Variants in ANO9 observed in about 807,000 individuals in gnomAD.
ANO9 encodes the protein anoctamin 9.
ANO9 carries 80 observed loss-of-function variants against 100.5 expected under a neutral mutation model. The observed-to-expected ratio is 0.80, with a 90% CI of 0.66 to 0.96. The LOEUF is 0.96. Ranked by LOEUF, ANO9 falls within the 40% of genes least tolerant of loss-of-function variation. The probability of loss-of-function intolerance (pLI) is 0.00; values close to 1 mark genes in which losing one functional copy is unlikely to be tolerated. For synonymous variants in ANO9, 473 were observed against 435.6 expected, an observed-to-expected ratio of 1.09 and a Z score of -1.07; for missense variants, 1,064 against 1,072.7, an observed-to-expected ratio of 0.99 and a Z score of 0.11.
Position 441,859 on chromosome 11 carries a change from C to G in ANO9, c.6+62G>C, listed in dbSNP as rs192627247. 5.4e-3 allele frequency: 8,548 copies of G among 1,580,112 alleles called. 365 individuals are homozygous for G. The African/African-American group carries it at 0.098, about 18-fold the overall frequency. On this transcript the variant is annotated intron_variant, in intron 1 of 22. Coordinates refer to ENST00000332826, the MANE Select transcript of ANO9 (RefSeq NM_001012302.3). ...GCTGGCGGGGGGCTGGGGCCGGGGG[C>G]CCCAGGTGTGGGCGTGGCTGGGGGC...
chr11:423,293 G>A (rs1848304944), intron 15 of ANO9, among the ~76,000 whole-genome samples: 2 of 152,194 alleles, frequency 1.3e-5, no homozygotes, highest in South Asian at 2.1e-4. Flanking sequence ...ACAGCAAGGG[G>A]CTGGTACTGG....
chr11:435,344 G>A (rs1428624565), intron 1 of ANO9, among the ~76,000 whole-genome samples: 1 of 151,994 alleles, frequency 6.6e-6, no homozygotes, highest in Non-Finnish European at 1.5e-5. Context: ...GTCTAGTCTA[G>A]TCTAGTCTGG....
At position 433,334 on chromosome 11, in the gene ANO9, G is replaced by A; in HGVS notation, c.330C>T (p.Thr110=). 6.2e-7 allele frequency: 1 copy of A among 1,612,628 alleles called. No homozygotes were observed. Among genetic ancestry groups the A allele is most frequent in the Non-Finnish European group, 8.5e-7 (1 of 1,179,706 alleles). ...CTCACCTCGTGGTGACCGGGATGGT[G>A]GTCGGCGCGGCCAGCTCGGCGTGGG... ...PAPHAELAAP[T]TIPVTTSLRI... is the part of the protein sequence containing the mutation. The change falls in exon 4 of 23, where the codon ACC becomes ACT. Residue 110 remains threonine, a synonymous_variant. Coordinates refer to ENST00000332826, the MANE Select transcript of ANO9 (RefSeq NM_001012302.3).
At chr11:426,894 G>C (rs191370098) in intron 15 of ANO9, among the ~76,000 whole-genome samples, 4 of 152,244 alleles carry the variant, frequency 2.6e-5, no homozygotes, top group Admixed American at 1.3e-4. Context: ...CAGCACACAG[G>C]GTTGGACCAA....
intron 1 of ANO9, among the ~76,000 whole-genome samples, chr11:437,675 C>T (rs971350761): frequency 2.0e-5 from 3 of 149,950 alleles, no homozygotes; most frequent in Admixed American, 6.6e-5. Flanking sequence ...TCTGTCTCAG[C>T]GCAGAGGGCA....
Position 431,715 on chromosome 11 carries a change from T to G in ANO9, c.518A>C (p.Glu173Ala), listed in dbSNP as rs1223206723. The G allele has an allele frequency of 1.9e-6, 3 of 1,612,400 alleles. No individual in the cohort carries two copies. In the African/African-American group the frequency reaches 4.0e-5, roughly 22 times the overall value. Residue 173 changes from glutamate (E) to alanine (A), a missense_variant, in exon 7 of 23, where the codon GAG becomes GCG. Physicochemically the swap from Glu to Ala is moderately radical, Grantham distance 107 (BLOSUM62 -1). Coordinates refer to ENST00000332826, the MANE Select transcript of ANO9 (RefSeq NM_001012302.3). ...TTACCTGATTTCATCAACTGGCTGC[T>G]CCCGGAACATGTGTCTCCACCGCGC... ...TWARWRHMFREQPVDEIRNYF... is the reference protein window; with the variant it reads ...TWARWRHMFRAQPVDEIRNYF...
Position 432,356 on chromosome 11 carries a change from C to T in ANO9, c.351-302G>A. ...AGACCACAGCCCGCACCTGCAACCA[C>T]ACCTCCCACCTGCGGGCCCCATGTG... On this transcript the variant is annotated intron_variant, in intron 4 of 22. Transcript: ENST00000332826. This position sits in a 1 kb window ranked among gnomAD's most constrained non-coding sequence, Gnocchi z 4.8. 2.1e-6 allele frequency: 1 copy of T among 481,254 alleles called. No individual in the cohort carries two copies. Among genetic ancestry groups the T allele is most frequent in the East Asian group, 3.7e-5 (1 of 27,008 alleles). The allele number at this position is 481,254 out of a possible 1,614,324, so 29.8% of individuals were successfully genotyped here. A position where few individuals can be genotyped will look rare whatever the true frequency, so the allele number is the denominator to read the frequency against.
rs760927187 is a variant in ANO9 at position 419,701 on chromosome 11, G to A, written c.1815C>T (p.Ile605=). ...CATTGGCAATGACCGCCAGCACACC[G>A]ATGGTCTCCAGCACCTGCAGCCAGG... ...IGTWLQVLET[I]GVLAVIANGM... Residue 605 remains isoleucine, a synonymous_variant, in exon 20 of 23, where the codon ATC becomes ATT. Transcript: ENST00000332826. 8 of 1,605,858 alleles carry A rather than the reference G, an allele frequency of 5.0e-6. No homozygotes were observed. In the Admixed American group the frequency reaches 6.7e-5, roughly 13 times the overall value.
At chr11:435,878 A>G (rs1437372740) in intron 1 of ANO9, among the ~76,000 whole-genome samples, 3 of 150,704 alleles carry the variant, frequency 2.0e-5, no homozygotes, top group Admixed American at 6.7e-5. Context: ...AGCATAGTAT[A>G]GCATAATATG....
intron 7 of ANO9, 78 bp downstream of exon 7, chr11:431,616 C>CG: frequency 6.9e-7 from 1 of 1,445,644 alleles, no homozygotes; most frequent in Admixed American, 1.8e-5. Flanking sequence ...GGTGTGGGGG[C>CG]GTCCGCGGGT....
intron 4 of ANO9, 66 bp downstream of exon 4, chr11:433,222 CTGGAGCCTGGCACTGTCTCCTGCCCG>C (rs2133704779): frequency 6.6e-7 from 1 of 1,507,350 alleles, no homozygotes; most frequent in East Asian, 2.3e-5. Context: ...TTGGCGACGC[CTGGAGCCTGGCACTGTCTCCTGCCCG>C]GTCTGGACCA....
In ANO9 at chr11:420,150, T is replaced by C. The variant is rs1848083981; in HGVS notation, c.1786+313A>G. 6 of 1,356,968 alleles carry C rather than the reference T, an allele frequency of 4.4e-6. No homozygotes were observed. In the African/African-American group the frequency reaches 7.4e-5, roughly 17 times the overall value. The allele number at this position is 1,356,968 out of a possible 1,614,324, so 84.1% of individuals were successfully genotyped here. On this transcript the variant is annotated intron_variant, in intron 19 of 22. Transcript: ENST00000332826. ...CCTGTCCGTCTCAGCGTGGCCAGTC[T>C]TGGGACAGAGGCCGGCTGCTCTGTT...
chr11:418,333 T>G lies in ANO9; in HGVS notation c.*38A>C, dbSNP rs370886958. 2 of 1,523,444 alleles carry G rather than the reference T, an allele frequency of 1.3e-6. No individual in the cohort carries two copies. 94.4% of individuals were successfully genotyped at this position (1,523,444 alleles called of 1,614,324 possible). The stretch of plus-strand genomic sequence containing the variant: ...TTGTGGGAGGTGCTGGTGGTGGCAC[T>G]GTCTCAGCTCCTGGTGGCCTCTGGA... On this transcript the variant is annotated 3_prime_UTR_variant, in exon 23 of 23. Coordinates refer to ENST00000332826, the MANE Select transcript of ANO9 (RefSeq NM_001012302.3).
intron 1 of ANO9, among the ~76,000 whole-genome samples, chr11:439,345 G>T (rs567682474): frequency 6.8e-6 from 1 of 147,770 alleles, no homozygotes; most frequent in Admixed American, 6.7e-5. Flanking sequence ...TCCCTCCCAA[G>T]GGCTGGAGTG....
In ANO9 at chr11:418,927, G is replaced by C. The variant is rs1564901513; in HGVS notation, c.1997C>G (p.Pro666Arg). The stretch of plus-strand genomic sequence containing the variant: ...GTTTTCTGAGCCCTCAATCCCATCA[G>C]GGTCCTGGAAGTCCTTGGTGTGGAA... ...SVFHTKDFQD[P>R]DGIEGSENVT... is the part of the protein sequence containing the mutation. Residue 666 changes from proline to arginine, a missense_variant, in exon 21 of 23, where the codon CCT becomes CGT. Physicochemically the swap from Pro to Arg is moderately radical, Grantham distance 103. Coordinates refer to ENST00000332826, the MANE Select transcript of ANO9 (RefSeq NM_001012302.3). 1 of 1,613,740 alleles carries C rather than the reference G, an allele frequency of 6.2e-7. No homozygotes were observed.
At chr11:424,107 T>C (rs1848356867) in intron 15 of ANO9, among the ~76,000 whole-genome samples, 1 of 152,116 alleles carries the variant, frequency 6.6e-6, no homozygotes, top group Non-Finnish European at 1.5e-5. Flanking sequence ...TTGGCCAGTC[T>C]GGTCTTGAAC....
In ANO9 at chr11:431,716, C is replaced by T. The variant is rs775328103; in HGVS notation, c.517G>A (p.Glu173Lys). Residue 173 changes from glutamate (E) to lysine (K), a missense_variant, in exon 7 of 23, where the codon GAG (glutamate) becomes AAG (lysine). Coordinates refer to ENST00000332826, the MANE Select transcript of ANO9 (RefSeq NM_001012302.3). The stretch of plus-strand genomic sequence containing the variant: ...TACCTGATTTCATCAACTGGCTGCT[C>T]CCGGAACATGTGTCTCCACCGCGCC... Reference protein sequence around the residue: ...TWARWRHMFREQPVDEIRNYF... With the variant: ...TWARWRHMFRKQPVDEIRNYF... 14 of 1,612,458 alleles carry T rather than the reference C, an allele frequency of 8.7e-6. No homozygotes were observed.
intron 1 of ANO9, among the ~76,000 whole-genome samples, chr11:438,108 G>A (rs775918133): frequency 3.5e-4 from 53 of 151,942 alleles, no homozygotes; most frequent in Non-Finnish European, 5.4e-4. Flanking sequence ...CAAAGACACC[G>A]TGCAGCACTG....
intron 15 of ANO9, among the ~76,000 whole-genome samples, chr11:426,641 G>A (rs377080811): frequency 6.6e-6 from 1 of 152,200 alleles, no homozygotes; most frequent in Admixed American, 6.5e-5. Flanking sequence ...CCTTAGAGGT[G>A]TAAGGGAATT....
Sources: allele counts gnomAD v4.1 joint callset (sites outside exome capture counted in the v4.1 genomes callset), GRCh38; gene constraint gnomAD v4.1.1; non-coding constraint Gnocchi (gnomAD v3.1); transcripts MANE v1.5; gene names NCBI Gene and HGNC (gene_info 2026-07-23, HGNC 2026-07-21).